Variants in KHDRBS3 observed in about 807,000 individuals in gnomAD.
KHDRBS3 encodes the protein KH domain-containing, RNA-binding, signal transduction-associated protein 3.
A neutral mutation model predicts 45.6 loss-of-function variants in KHDRBS3; 23 were observed. The ratio of observed to expected loss-of-function variants is 0.50; its 90% CI spans 0.36 to 0.72. The LOEUF (loss-of-function observed/expected upper bound fraction) is 0.72. Among genes scored for constraint, KHDRBS3 ranks in the 30% least tolerant of loss-of-function variants. The pLI is 0.00. For missense variants in KHDRBS3, 352 were observed against 424.8 expected (o/e 0.83, Z 1.51); for synonymous variants, 162 against 156.5 (o/e 1.04, Z -0.26).
chr8:135,543,513 A>G (rs1826142616), intron 3 of KHDRBS3, among the ~76,000 whole-genome samples: 1 of 152,214 alleles, frequency 6.6e-6, no homozygotes, highest in African/African-American at 2.4e-5. Context: ...TGTTTTAAAC[A>G]CAGGTGATTT....
chr8:135,517,415 A>G (rs938747677), intron 1 of KHDRBS3, among the ~76,000 whole-genome samples: 2 of 152,138 alleles, frequency 1.3e-5, no homozygotes, highest in East Asian at 3.8e-4. Flanking sequence ...CTCGGGGAAG[A>G]TGAGAGCGGT....
chr8:135,561,884 G>A (rs991976101), intron 5 of KHDRBS3, among the ~76,000 whole-genome samples: 5 of 151,896 alleles, frequency 3.3e-5, no homozygotes, highest in Middle Eastern at 3.2e-3. Flanking sequence ...TAACAGAAGA[G>A]TACTGATAGG....
At chr8:135,513,541 A>C (rs550973648) in intron 1 of KHDRBS3, among the ~76,000 whole-genome samples, 2 of 152,282 alleles carry the variant, frequency 1.3e-5, no homozygotes, top group African/African-American at 4.8e-5. Context: ...GTCTGGCTGC[A>C]TTATTTCAAA....
At chr8:135,498,253 T>C (rs902761969) in intron 1 of KHDRBS3, among the ~76,000 whole-genome samples, 9 of 152,110 alleles carry the variant, frequency 5.9e-5, no homozygotes, top group Non-Finnish European at 1.2e-4. Flanking sequence ...GCTTTTTAGT[T>C]TTAATTAAGG....
chr8:135,478,254 C>T (rs1173129571), intron 1 of KHDRBS3, among the ~76,000 whole-genome samples: 1 of 152,172 alleles, frequency 6.6e-6, no homozygotes, highest in African/African-American at 2.4e-5. Flanking sequence ...GCCTCCAGAA[C>T]TGTAAGATAA....
At chr8:135,652,623 C>G (rs543184397) in intron 4 of KHDRBS3, among the ~76,000 whole-genome samples, 1 of 152,246 alleles carries the variant, frequency 6.6e-6, no homozygotes. Flanking sequence ...GAACACAACT[C>G]TTACCCAGCT....
intron 1 of KHDRBS3, among the ~76,000 whole-genome samples, chr8:135,460,701 A>G (rs1234649731): frequency 2.6e-5 from 4 of 152,230 alleles, no homozygotes; most frequent in African/African-American, 9.6e-5. Flanking sequence ...TTCTGTCTGC[A>G]CTTGCCTTCT....
chr8:135,569,879 C>G (rs1827618161), intron 5 of KHDRBS3, among the ~76,000 whole-genome samples: 1 of 152,052 alleles, frequency 6.6e-6, no homozygotes, highest in Admixed American at 6.6e-5. Flanking sequence ...TCCCCTCTGT[C>G]TTTTTACTCC....
At chr8:135,591,342 A>G (rs1213488863) in intron 6 of KHDRBS3, among the ~76,000 whole-genome samples, 4 of 152,270 alleles carry the variant, frequency 2.6e-5, no homozygotes, top group East Asian at 1.9e-4. Flanking sequence ...GGTTTTACCA[A>G]TCCTTCTGCA....
At chr8:135,500,364 G>T (rs1823676379) in intron 1 of KHDRBS3, among the ~76,000 whole-genome samples, 1 of 152,014 alleles carries the variant, frequency 6.6e-6, no homozygotes, top group Non-Finnish European at 1.5e-5. Context: ...AATAGAAACT[G>T]ACTTTGGCCA....
intron 7 of KHDRBS3, among the ~76,000 whole-genome samples, chr8:135,643,847 G>A (rs73713808): frequency 6.6e-6 from 1 of 152,160 alleles, no homozygotes; most frequent in African/African-American, 2.4e-5. Flanking sequence ...TTTACTATCC[G>A]AGGCCGGGGG....
At chr8:135,513,674 G>A (rs77431099) in intron 1 of KHDRBS3, among the ~76,000 whole-genome samples, 7,157 of 152,154 alleles carry the variant, frequency 0.047, 266 homozygotes, top group East Asian at 0.18. Flanking sequence ...TGCAGAAAGT[G>A]GACCCTTTTG....
intron 7 of KHDRBS3, among the ~76,000 whole-genome samples, chr8:135,617,666 C>T (rs550541195): frequency 6.6e-6 from 1 of 152,264 alleles, no homozygotes; most frequent in South Asian, 2.1e-4. Context: ...AGAGTGAGTG[C>T]TAGAGCTGGC....
intron 1 of KHDRBS3, chr8:135,458,594 G>C (rs1392125461): frequency 3.1e-6 from 1 of 322,138 alleles, no homozygotes; most frequent in Non-Finnish European, 6.1e-6. Flanking sequence ...AGCCCTCCCA[G>C]GGGATGGGCA....
chr8:135,530,201 G>C (rs1186706494), intron 2 of KHDRBS3, among the ~76,000 whole-genome samples: 6 of 152,124 alleles, frequency 3.9e-5, no homozygotes, highest in African/African-American at 1.4e-4. Flanking sequence ...AATATTTTTA[G>C]TGGTTTAGCA....
chr8:135,457,540 C>G lies in KHDRBS3; in HGVS notation c.-327C>G, dbSNP rs972809130. 1.7e-4 allele frequency: 25 copies of G among 146,548 alleles called. No homozygotes were observed. Among genetic ancestry groups the G allele is most frequent in the African/African-American group, 5.6e-4 (23 of 40,786 alleles). 9.1% of individuals were successfully genotyped at this position (146,548 alleles called of 1,614,324 possible). The stretch of plus-strand genomic sequence containing the variant: ...TGCTGGCGGGACTGGCGGGGATCGC[C>G]GTGGACTGCCTCAGGGGCGCCGCAG... On this transcript the variant is annotated 5_prime_UTR_variant, in exon 1 of 9. Transcript: ENST00000355849. This position sits in a 1 kb window ranked among gnomAD's most constrained non-coding sequence, Gnocchi z 4.4.
chr8:135,573,710 TTTTTTG>T lies in KHDRBS3; in HGVS notation c.612-8144_612-8139del, dbSNP rs778753543. Among the ~76,000 whole-genome samples the T allele has an allele frequency of 6.8e-4, 104 of 152,222 alleles. 2 individuals are homozygous for T. Among genetic ancestry groups the T allele is most frequent in the South Asian group, 2.1e-3 (10 of 4,816 alleles). ...AAATAATTCATTTCTGAGTGACTGT[TTTTTTG>T]TTTTTGTTTTTGTTTTTGTTTTTTT... On this transcript the variant is annotated intron_variant, in intron 5 of 8. Coordinates refer to ENST00000355849, the MANE Select transcript of KHDRBS3 (RefSeq NM_006558.3).
intron 1 of KHDRBS3, among the ~76,000 whole-genome samples, chr8:135,463,553 CT>C (rs570117700): frequency 2.0e-5 from 3 of 152,178 alleles, no homozygotes; most frequent in Non-Finnish European, 4.4e-5. Context: ...TTTATTCTTT[CT>C]TAAGGAATTT....
intron 1 of KHDRBS3, among the ~76,000 whole-genome samples, chr8:135,477,920 C>T (rs775017164): frequency 1.3e-5 from 2 of 152,148 alleles, no homozygotes; most frequent in African/African-American, 2.4e-5. Flanking sequence ...TGTAAGGAAC[C>T]GGGTGCTCAG....
Sources: allele counts gnomAD v4.1 joint callset (sites outside exome capture counted in the v4.1 genomes callset), GRCh38; gene constraint gnomAD v4.1.1; non-coding constraint Gnocchi (gnomAD v3.1); transcripts MANE v1.5; gene names NCBI Gene and HGNC (gene_info 2026-07-23, HGNC 2026-07-21).